DDX10: variants seen among roughly 807,000 people sequenced by gnomAD.
The protein encoded by DDX10 is DEAD-box helicase 10, also known as probable ATP-dependent RNA helicase DDX10.
Under a neutral mutation model 104.3 loss-of-function variants are expected in DDX10, and 74 were observed. The ratio of observed to expected loss-of-function variants is 0.71; its 90% CI spans 0.59 to 0.86. The LOEUF (loss-of-function observed/expected upper bound fraction) is 0.86, where lower values mean the gene tolerates loss of function less well. Among genes scored for constraint, DDX10 ranks in the 40% least tolerant of loss-of-function variants. DDX10 has a pLI of 0.00. For synonymous variants in DDX10, 351 were observed against 353.4 expected (o/e 0.99, Z 0.08); for missense variants, 952 against 1,040.0 (o/e 0.92, Z 1.16).
At chr11:108,802,100 A>G (rs1305001200) in intron 13 of DDX10, among the ~76,000 whole-genome samples, 1 of 151,578 alleles carries the variant, frequency 6.6e-6, no homozygotes, top group Non-Finnish European at 1.5e-5. Flanking sequence ...AAAACTCAGG[A>G]GTATGTGTGG....
rs1325910017 is a variant in DDX10 at position 108,709,692 on chromosome 11, CT to C, written c.1322+2862del. On this transcript the variant is annotated intron_variant, in intron 10 of 17. Coordinates refer to ENST00000322536, the MANE Select transcript of DDX10 (RefSeq NM_004398.4). ...TCTTAGTATGGTTATAGGCTTATGA[CT>C]TTTTTTAGTTGTTTATTTTTTTCAA... 3.9e-5 allele frequency among the ~76,000 whole-genome samples: 6 copies of C among 151,930 alleles called. No individual in the cohort carries two copies. In the South Asian group the frequency reaches 1.2e-3, roughly 32 times the overall value.
chr11:108,818,645 A>G lies in DDX10; in HGVS notation c.1966-19801A>G, dbSNP rs114242383. Among the ~76,000 whole-genome samples, 182 of 152,344 alleles carry G rather than the reference A, an allele frequency of 1.2e-3. 2 individuals are homozygous for G. The highest frequency in any genetic ancestry group is 4.2e-3 in the African/African-American group (176 of 41,578). The stretch of plus-strand genomic sequence containing the variant: ...TAATGTTTCATTTATTAGTGAGTCA[A>G]CTGAATCTTTTAAATTATTGTACGG... On this transcript the variant is annotated intron_variant, in intron 13 of 17. Coordinates refer to ENST00000322536, the MANE Select transcript of DDX10 (RefSeq NM_004398.4).
chr11:108,915,949 TAAA>T (rs34651677), intron 16 of DDX10, among the ~76,000 whole-genome samples: 40 of 127,668 alleles, frequency 3.1e-4, no homozygotes, highest in East Asian at 4.5e-4. Flanking sequence ...TGCAAAAATG[TAAA>T]AAAAAAAAAA....
In DDX10 at chr11:108,776,550, C is replaced by T. The variant is rs369886990; in HGVS notation, c.1965+53088C>T. Among the ~76,000 whole-genome samples, 37 of 152,198 alleles carry T rather than the reference C, an allele frequency of 2.4e-4. 1 individual carries two copies. The highest frequency in any genetic ancestry group is 8.9e-4 in the African/African-American group (37 of 41,526). ...ACATAGAATTCCAAGAACGGCCCCTCGAGATTCCATATCCTAATCTTTGGC... is the reference window on the plus strand; with the variant it reads ...ACATAGAATTCCAAGAACGGCCCCTTGAGATTCCATATCCTAATCTTTGGC... On this transcript the variant is annotated intron_variant, in intron 13 of 17. Transcript: ENST00000322536.
chr11:108,842,091 G>T (rs1456852843), intron 15 of DDX10, among the ~76,000 whole-genome samples: 1 of 151,970 alleles, frequency 6.6e-6, no homozygotes. Context: ...ATTAAAATTG[G>T]AGACTTTGTA....
Position 108,940,514 on chromosome 11 carries a change from A to G in DDX10, c.*91A>G, listed in dbSNP as rs1864095676. On this transcript the variant is annotated 3_prime_UTR_variant, in exon 18 of 18. Coordinates refer to ENST00000322536, the MANE Select transcript of DDX10 (RefSeq NM_004398.4). ...ACAGTTGATTTGGGGGCACTTAGGTACCATATGCCCCATTCCCAAAGGGCA... is the reference window on the plus strand; with the variant it reads ...ACAGTTGATTTGGGGGCACTTAGGTGCCATATGCCCCATTCCCAAAGGGCA... 7.6e-7 allele frequency: 1 copy of G among 1,319,098 alleles called. No individual in the cohort carries two copies. The highest frequency in any genetic ancestry group is 1.5e-5 in the African/African-American group (1 of 68,566). The allele number at this position is 1,319,098 out of a possible 1,614,324, so 81.7% of individuals were successfully genotyped here.
At chr11:108,873,230 G>A (rs1565305143) in intron 16 of DDX10, among the ~76,000 whole-genome samples, 2 of 152,098 alleles carry the variant, frequency 1.3e-5, no homozygotes. Flanking sequence ...GTTTTTCCAG[G>A]TGGGTAGACA....
intron 16 of DDX10, among the ~76,000 whole-genome samples, chr11:108,883,484 T>C (rs1199026478): frequency 6.6e-6 from 1 of 152,106 alleles, no homozygotes; most frequent in Non-Finnish European, 1.5e-5. Flanking sequence ...CCATGTCTCT[T>C]TTGTATTAGC....
At position 108,673,506 on chromosome 11, in the gene DDX10, T is replaced by C. The variant is rs777294337; in HGVS notation, c.226T>C (p.Leu76=). ...NEITRFSDFP[L]SKKTLKGLQE... is the part of the protein sequence containing the mutation. ...AATCACAAGATTTTCAGATTTTCCC[T>C]TGTCCAAAAAAACATTGAAAGGTAA... Residue 76 remains leucine (L), a synonymous_variant, in exon 2 of 18, where the codon TTG becomes CTG. Coordinates refer to ENST00000322536, the MANE Select transcript of DDX10 (RefSeq NM_004398.4). 2.5e-6 allele frequency: 4 copies of C among 1,598,398 alleles called. No individual in the cohort carries two copies. The East Asian group carries it at 8.9e-5, about 36-fold the overall frequency.
intron 13 of DDX10, among the ~76,000 whole-genome samples, chr11:108,743,874 A>C (rs1219438239): frequency 1.3e-5 from 2 of 152,188 alleles, no homozygotes; most frequent in Non-Finnish European, 2.9e-5. Context: ...CTTTGTCCCC[A>C]TAATTGAGAA....
chr11:108,887,612 C>A (rs1424270670), intron 16 of DDX10, among the ~76,000 whole-genome samples: 1 of 151,468 alleles, frequency 6.6e-6, no homozygotes, highest in Non-Finnish European at 1.5e-5. Flanking sequence ...AGAAACACCA[C>A]TGGTTAGAAA....
chr11:108,864,258 A>G (rs963591840), intron 16 of DDX10, among the ~76,000 whole-genome samples: 4 of 152,114 alleles, frequency 2.6e-5, no homozygotes, highest in African/African-American at 9.7e-5. Context: ...AGATGTCTCA[A>G]AATGCCCATA....
chr11:108,665,524 T>C (rs1460800432), intron 1 of DDX10, among the ~76,000 whole-genome samples, 185 bp downstream of exon 1: 3 of 151,748 alleles, frequency 2.0e-5, no homozygotes, highest in South Asian at 2.1e-4. Context: ...CTTGCCACAC[T>C]GTTCCTAAAA....
rs1317349275 is a variant in DDX10, at chr11:108,689,000, T to C, written c.913T>C (p.Tyr305His). ...GCTGCAGCAAAAAATAAGTGTGCTG[T>C]ATTCCTTTTTGAGAAGCCATCTGAA... is the stretch of plus-strand genomic sequence containing the variant. ...CELQQKISVLYSFLRSHLKKK... is the reference protein window; with the variant it reads ...CELQQKISVLHSFLRSHLKKK... The change falls in exon 7 of 18, where the codon TAT (tyrosine) becomes CAT (histidine). Residue 305 changes from tyrosine (Y) to histidine (H), a missense_variant. Transcript: ENST00000322536. 6.2e-7 allele frequency: 1 copy of C among 1,614,064 alleles called. No homozygotes were observed.
intron 13 of DDX10, among the ~76,000 whole-genome samples, chr11:108,775,400 C>T (rs1021730803): frequency 1.3e-5 from 2 of 152,084 alleles, no homozygotes; most frequent in East Asian, 3.9e-4. Context: ...GAGTGATATA[C>T]CCGTCTGTTC....
At chr11:108,804,913 T>C (rs1306528949) in intron 13 of DDX10, among the ~76,000 whole-genome samples, 1 of 152,200 alleles carries the variant, frequency 6.6e-6, no homozygotes, top group East Asian at 1.9e-4. Flanking sequence ...CAGCTTTCCA[T>C]ATAATGTTGC....
intron 17 of DDX10, among the ~76,000 whole-genome samples, chr11:108,934,723 A>G (rs1864015197): frequency 6.6e-6 from 1 of 152,236 alleles, no homozygotes; most frequent in African/African-American, 2.4e-5. Context: ...GCGTTAACTC[A>G]GCAGAAGTTG....
intron 12 of DDX10, 78 bp from the exon 13 acceptor site, chr11:108,722,919 T>C (rs980482450): frequency 1.4e-6 from 2 of 1,478,062 alleles, no homozygotes; most frequent in Non-Finnish European, 1.8e-6. Context: ...ATCTCTGCTC[T>C]TGAGAAACTC....
chr11:108,888,077 G>A (rs1183384564), intron 16 of DDX10, among the ~76,000 whole-genome samples: 1 of 151,878 alleles, frequency 6.6e-6, no homozygotes, highest in Non-Finnish European at 1.5e-5. Flanking sequence ...TATTTTTTAG[G>A]TTAGATGATT....
Sources: gnomAD v4.1 joint callset for allele counts (sites outside exome capture counted in the v4.1 genomes callset) on GRCh38, gnomAD v4.1.1 for gene constraint, MANE v1.5 for transcripts, NCBI Gene and HGNC (gene_info 2026-07-23, HGNC 2026-07-21) for gene names.